The following PRDM1 variants were observed in gnomAD, a reference collection of about 807,000 sequenced individuals.
PRDM1 encodes PR domain zinc finger protein 1.
A neutral mutation model predicts 62.8 loss-of-function variants in PRDM1; 13 were observed. That is an observed-to-expected ratio of 0.21 (90% confidence interval 0.13 to 0.33). The LOEUF (loss-of-function observed/expected upper bound fraction) is 0.33. Among genes scored for constraint, PRDM1 ranks in the 10% least tolerant of loss-of-function variants. The probability of loss-of-function intolerance (pLI) is 1.00; values close to 1 mark genes in which losing one functional copy is unlikely to be tolerated. For missense variants in PRDM1, 895 were observed against 1,058.8 expected (o/e 0.85, Z 2.15); for synonymous variants, 396 against 417.6 (o/e 0.95, Z 0.63).
chr6:106,038,006 A>ATTTTTTTTTTTTTTTTTTTTTT (rs1772944473), intron 1 of PRDM1, among the ~76,000 whole-genome samples: 1 of 27,640 alleles, frequency 3.6e-5, no homozygotes, highest in East Asian at 8.9e-4. Flanking sequence ...ATGGTTTGCT[A>ATTTTTTTTTTTTTTTTTTTTTT]TTTTTGTCTT....
intron 4 of PRDM1, among the ~76,000 whole-genome samples, 178 bp from the exon 5 acceptor site, chr6:106,104,647 G>A (rs1405027643): frequency 1.3e-5 from 2 of 152,248 alleles, no homozygotes; most frequent in Non-Finnish European, 2.9e-5. Flanking sequence ...AAACGGAACT[G>A]CACTTTTGAG....
At chr6:106,090,880 C>CT (rs780599783) in intron 2 of PRDM1, among the ~76,000 whole-genome samples, 3,644 of 137,042 alleles carry the variant, frequency 0.027, 119 homozygotes, top group African/African-American at 0.082. Flanking sequence ...GTGTCAGCAC[C>CT]TTTTTTTTTT....
intron 1 of PRDM1, among the ~76,000 whole-genome samples, chr6:106,038,699 C>T (rs1415455843): frequency 6.6e-6 from 1 of 152,190 alleles, no homozygotes; most frequent in Non-Finnish European, 1.5e-5. Flanking sequence ...CCCTTTTGCA[C>T]ACCCTGGCAA....
chr6:106,088,249 GA>G lies in PRDM1; in HGVS notation c.92del (p.Glu31GlyfsTer7). 6.2e-7 allele frequency: 1 copy of G among 1,614,098 alleles called. No homozygotes were observed. The highest frequency in any genetic ancestry group is 1.3e-5 in the African/African-American group (1 of 75,030). ...SSTVRFQGLAEGTKGTMKMDM... is the reference protein window; with the variant it reads ...SSTVRFQGLAXGTKGTMKMDM... ...CACTGTGAGGTTTCAGGGATTGGCAGAGGGGACCAAGGGGACCATGAAAATG... is the reference window on the plus strand; with the variant it reads ...CACTGTGAGGTTTCAGGGATTGGCAGGGGGACCAAGGGGACCATGAAAATG... On this transcript the variant is annotated frameshift_variant, in exon 2 of 7. Transcript: ENST00000369096. LOFTEE classifies it high-confidence loss of function.
At position 106,088,289 on chromosome 6, in the gene PRDM1, C is replaced by T. The variant is rs1773864803; in HGVS notation, c.131C>T (p.Ala44Val). The change falls in exon 2 of 7, where the codon GCG (alanine) becomes GTG (valine). Residue 44 changes from alanine to valine, a missense_variant. Physicochemically the swap from Ala to Val is moderately conservative, Grantham distance 64. Around this residue, in one of 4 missense-constraint regions of PRDM1, gnomAD observed 213 missense variants for 283.9 expected, o/e 0.75. Coordinates refer to ENST00000369096, the MANE Select transcript of PRDM1 (RefSeq NM_001198.4). The stretch of plus-strand genomic sequence containing the variant: ...ACCATGAAAATGGACATGGAGGATG[C>T]GGATATGACTCTGTGGACAGAGGCT... The part of the protein sequence containing the change: ...KGTMKMDMED[A>V]DMTLWTEAEF... 8.7e-6 allele frequency: 14 copies of T among 1,614,046 alleles called. No homozygotes were observed. Among genetic ancestry groups the T allele is most frequent in the Non-Finnish European group, 1.1e-5 (13 of 1,180,018 alleles).
rs141465160 is a variant in PRDM1 at position 106,105,508 on chromosome 6, C to G, written c.1348C>G (p.Leu450Val). 6.2e-7 allele frequency: 1 copy of G among 1,613,846 alleles called. No homozygotes were observed. Among genetic ancestry groups the G allele is most frequent in the Non-Finnish European group, 8.5e-7 (1 of 1,179,966 alleles). ...GAGGCTGTGCCCTGTCTACAGCAAT[C>G]TCCTCGGTGGGGGCAGCCTGCCCCA... ...FPRLCPVYSN[L>V]LGGGSLPHPM... Residue 450 changes from leucine (L) to valine (V), a missense_variant, in exon 5 of 7, where the codon CTC (leucine) becomes GTC (valine). Transcript: ENST00000369096.
Position 106,105,291 on chromosome 6 carries a change from G to A in PRDM1, c.1131G>A (p.Leu377=). Residue 377 remains leucine, a synonymous_variant, in exon 5 of 7, where the codon TTG becomes TTA. Transcript: ENST00000369096. The part of the protein sequence containing the change: ...SQEHRDSYAY[L]NASYGTEGLG... ...AGCACCGGGACTCCTACGCTTACTT[G>A]AACGCGTCCTACGGCACGGAAGGTT... is the stretch of plus-strand genomic sequence containing the variant. 1 of 1,613,678 alleles carries A rather than the reference G, an allele frequency of 6.2e-7. No individual in the cohort carries two copies. The highest frequency in any genetic ancestry group is 2.2e-5 in the East Asian group (1 of 44,860).
chr6:106,003,059 A>G (rs2114543758), intron 1 of PRDM1, among the ~76,000 whole-genome samples: 1 of 152,326 alleles, frequency 6.6e-6, no homozygotes, highest in African/African-American at 2.4e-5. Context: ...AAAGACCAAG[A>G]TATACCTAGT....
At chr6:106,027,336 C>A (rs1772778040) in intron 1 of PRDM1, among the ~76,000 whole-genome samples, 1 of 152,228 alleles carries the variant, frequency 6.6e-6, no homozygotes. Flanking sequence ...CCCAAGAGTC[C>A]TGTTTTGTAG....
At chr6:106,066,164 G>A (rs9398059) in intron 1 of PRDM1, among the ~76,000 whole-genome samples, 5,345 of 152,186 alleles carry the variant, frequency 0.035, 142 homozygotes, top group East Asian at 0.099. Context: ...GAGATTCTGT[G>A]CGTGGTCATT....
chr6:106,017,283 G>A (rs1772633651), intron 1 of PRDM1, among the ~76,000 whole-genome samples: 1 of 152,210 alleles, frequency 6.6e-6, no homozygotes, highest in Non-Finnish European at 1.5e-5. Flanking sequence ...CAGCTTTGAA[G>A]AAGTGATCTT....
chr6:106,004,387 C>A (rs1050847726), intron 1 of PRDM1, among the ~76,000 whole-genome samples: 2 of 152,138 alleles, frequency 1.3e-5, no homozygotes, highest in Non-Finnish European at 2.9e-5. Flanking sequence ...GTTTAGAAAC[C>A]TTTTATTTGG....
intron 1 of PRDM1, among the ~76,000 whole-genome samples, chr6:106,077,894 C>T (rs1383396973): frequency 1.3e-5 from 2 of 152,160 alleles, no homozygotes; most frequent in Non-Finnish European, 2.9e-5. Flanking sequence ...ATGGGTGTCC[C>T]TTGTCTGAGG....
chr6:106,104,955 C>T lies in PRDM1; in HGVS notation c.795C>T (p.Asp265=), dbSNP rs1582477834. 1.9e-6 allele frequency: 3 copies of T among 1,614,132 alleles called. No individual in the cohort carries two copies. The highest frequency in any genetic ancestry group is 4.5e-5 in the East Asian group (2 of 44,878). The change falls in exon 5 of 7, where the codon GAC becomes GAT. Residue 265 remains aspartate (D), a synonymous_variant. Coordinates refer to ENST00000369096, the MANE Select transcript of PRDM1 (RefSeq NM_001198.4). ...KLDSNPSKGK[D]LYRSNISPLT... is the part of the protein sequence containing the mutation. The stretch of plus-strand genomic sequence containing the variant: ...ACTCCAACCCCTCCAAAGGAAAGGA[C>T]CTCTACCGTTCTAACATTTCACCCC...
Position 106,105,068 on chromosome 6 carries a change from C to T in PRDM1, c.908C>T (p.Ala303Val), listed in dbSNP as rs1439183927. ...FYPRVVYPIR[A>V]PLPEDFLKAS... ...CCTCGGGTCGTTTACCCCATCCGGGCCCCTCTGCCAGAAGACTTTTTGAAA... is the reference window on the plus strand; with the variant it reads ...CCTCGGGTCGTTTACCCCATCCGGGTCCCTCTGCCAGAAGACTTTTTGAAA... The change falls in exon 5 of 7, where the codon GCC (alanine) becomes GTC (valine). Residue 303 changes from alanine to valine, a missense_variant. Physicochemically the swap from Ala to Val is moderately conservative, Grantham distance 64. Around this residue, in one of 4 missense-constraint regions of PRDM1, gnomAD observed 444 missense variants for 422.7 expected, o/e 1.05. Coordinates refer to ENST00000369096, the MANE Select transcript of PRDM1 (RefSeq NM_001198.4). The T allele has an allele frequency of 6.2e-7, 1 of 1,614,150 alleles. No individual in the cohort carries two copies. The highest frequency in any genetic ancestry group is 1.1e-5 in the South Asian group (1 of 91,076).
In PRDM1 at chr6:106,008,607, G is replaced by A. The variant is rs190579010; in HGVS notation, c.-67+14968G>A. On this transcript the variant is annotated intron_variant, in intron 1 of 6. Coordinates refer to the PRDM1 transcript ENST00000652320. ...ACAAGATAAGTCAAGCGGCTCTCTA[G>A]GATTCTCCTTCTCTCCCAGGACAGG... 4.7e-4 allele frequency among the ~76,000 whole-genome samples: 72 copies of A among 152,256 alleles called. 1 individual carries two copies. The highest frequency in any genetic ancestry group is 4.0e-4 in the Non-Finnish European group (27 of 68,004).
At chr6:106,034,349 T>C (rs1032594497) in intron 1 of PRDM1, among the ~76,000 whole-genome samples, 6 of 152,116 alleles carry the variant, frequency 3.9e-5, no homozygotes, top group African/African-American at 1.4e-4. Context: ...GTTAGGTTGT[T>C]GATTTAAGAT....
chr6:106,039,586 AT>A (rs937422165), intron 1 of PRDM1, among the ~76,000 whole-genome samples: 1 of 152,090 alleles, frequency 6.6e-6, no homozygotes, highest in African/African-American at 2.4e-5. Flanking sequence ...AACCACAGCT[AT>A]TTTTTTATTG....
chr6:106,017,047 GA>G (rs1198397652), intron 1 of PRDM1, among the ~76,000 whole-genome samples: 1 of 152,104 alleles, frequency 6.6e-6, no homozygotes, highest in East Asian at 1.9e-4. Flanking sequence ...TAGAAATGTT[GA>G]AAAAATTAAG....
Sources: allele counts gnomAD v4.1 joint callset (sites outside exome capture counted in the v4.1 genomes callset), GRCh38; gene constraint gnomAD v4.1.1; regional missense constraint gnomAD v4.1.1; transcripts MANE v1.5; gene names NCBI Gene and HGNC (gene_info 2026-07-23, HGNC 2026-07-21).